TCF20: variants seen among roughly 807,000 people sequenced by gnomAD.
TCF20 encodes the protein transcription factor 20.
In TCF20, 3 loss-of-function variants were observed where a neutral mutation model predicts 148.6. That is an observed-to-expected ratio of 0.02 (90% CI 0.01 to 0.05). TCF20 has a LOEUF of 0.05. Among genes scored for constraint, TCF20 ranks in the 10% least tolerant of loss-of-function variants. The pLI, the probability that TCF20 is intolerant of heterozygous loss-of-function variation, is 1.00. For synonymous variants in TCF20, 1,049 were observed against 909.5 expected (o/e 1.15, Z -2.76); for missense variants, 2,350 against 2,429.3 (o/e 0.97, Z 0.69).
chr22:42,281,108 C>T (rs564642188), intron 1 of TCF20, among the ~76,000 whole-genome samples: 2 of 152,298 alleles, frequency 1.3e-5, no homozygotes, highest in Admixed American at 1.3e-4. Flanking sequence ...GCTCCTGAAC[C>T]CTTCACCCCT....
At chr22:42,256,846 A>C (rs570098625) in intron 1 of TCF20, among the ~76,000 whole-genome samples, 1 of 152,132 alleles carries the variant, frequency 6.6e-6, no homozygotes, top group African/African-American at 2.4e-5. Flanking sequence ...TGGAGTAACA[A>C]TTCTATTTTA....
intron 1 of TCF20, among the ~76,000 whole-genome samples, chr22:42,268,671 T>G (rs1037880470): frequency 2.0e-5 from 3 of 152,244 alleles, no homozygotes; most frequent in Admixed American, 6.5e-5. Flanking sequence ...TCACATGTTA[T>G]CCACACATTT....
chr22:42,188,157 G>A (rs1256389367), intron 2 of TCF20, among the ~76,000 whole-genome samples: 1 of 151,822 alleles, frequency 6.6e-6, no homozygotes, highest in Non-Finnish European at 1.5e-5. Flanking sequence ...AGCTGGGTGT[G>A]GTGGTGCATG....
intron 1 of TCF20, among the ~76,000 whole-genome samples, chr22:42,305,713 G>A (rs1174492761): frequency 6.6e-6 from 1 of 152,132 alleles, no homozygotes; most frequent in Non-Finnish European, 1.5e-5. Context: ...CCACACCCCT[G>A]GCCTGACAGT....
intron 2 of TCF20, among the ~76,000 whole-genome samples, chr22:42,192,931 G>A (rs1244966039): frequency 6.6e-6 from 1 of 152,186 alleles, no homozygotes; most frequent in African/African-American, 2.4e-5. Context: ...TCTGCCACCT[G>A]CACCAGCATG....
intron 2 of TCF20, among the ~76,000 whole-genome samples, chr22:42,193,782 T>C (rs1324747023): frequency 6.6e-6 from 1 of 152,170 alleles, no homozygotes; most frequent in African/African-American, 2.4e-5. Context: ...TACAGATGTC[T>C]GGATGAAGGA....
At chr22:42,191,104 C>T (rs1285446840) in intron 2 of TCF20, among the ~76,000 whole-genome samples, 1 of 152,108 alleles carries the variant, frequency 6.6e-6, no homozygotes, top group Non-Finnish European at 1.5e-5. Context: ...TCTATGTCCC[C>T]CTTCTGGAAA....
intron 1 of TCF20, among the ~76,000 whole-genome samples, chr22:42,295,933 G>GTACA (rs893648124): frequency 6.6e-6 from 1 of 152,128 alleles, no homozygotes; most frequent in African/African-American, 2.4e-5. Flanking sequence ...TTCCCACATG[G>GTACA]TACAGGCTGC....
chr22:42,204,546 G>A (rs961580123), intron 2 of TCF20, among the ~76,000 whole-genome samples: 2 of 151,666 alleles, frequency 1.3e-5, no homozygotes, highest in Non-Finnish European at 2.9e-5. Context: ...TATTGATTCA[G>A]AAATTTAAAG....
chr22:42,321,490 A>G (rs1927731711), intron 1 of TCF20, among the ~76,000 whole-genome samples: 1 of 149,504 alleles, frequency 6.7e-6, no homozygotes, highest in South Asian at 2.1e-4. Context: ...CCCATGGGGA[A>G]GCTTTCCAGG....
At chr22:42,255,277 GA>G (rs1411382341) in intron 1 of TCF20, among the ~76,000 whole-genome samples, 1 of 151,928 alleles carries the variant, frequency 6.6e-6, no homozygotes, top group African/African-American at 2.4e-5. Flanking sequence ...ACGAGGTCAG[GA>G]AATCGAGACC....
intron 5 of TCF20, among the ~76,000 whole-genome samples, chr22:42,167,084 C>A (rs930206599): frequency 6.6e-6 from 1 of 152,186 alleles, no homozygotes; most frequent in African/African-American, 2.4e-5. Flanking sequence ...CAATGTACTC[C>A]AAGTCCAAGA....
intron 1 of TCF20, among the ~76,000 whole-genome samples, chr22:42,224,777 A>G (rs989007570): frequency 2.0e-5 from 3 of 152,098 alleles, no homozygotes; most frequent in Non-Finnish European, 4.4e-5. Context: ...CTCTAGCACC[A>G]TAGAAAATTA....
At chr22:42,197,777 C>A (rs111864206) in intron 2 of TCF20, among the ~76,000 whole-genome samples, 13 of 152,062 alleles carry the variant, frequency 8.5e-5, no homozygotes, top group Non-Finnish European at 1.6e-4. Context: ...TCCAAATTAA[C>A]AATTAATGGA....
chr22:42,209,501 A>C lies in TCF20; in HGVS notation c.5655+150T>G, dbSNP rs368012253. On this transcript the variant is annotated intron_variant, in intron 2 of 5. Transcript: ENST00000677622. ...TTTTAGAAGTCTATACAAATCTTCC[A>C]AATTACCTATTTCATTTTCTGTCCA... is the stretch of plus-strand genomic sequence containing the variant. The C allele has an allele frequency of 7.6e-6, 7 of 920,886 alleles. No individual in the cohort carries two copies. The African/African-American group carries it at 1.2e-4, about 15-fold the overall frequency. The allele number at this position is 920,886 out of a possible 1,614,324, so 57.0% of individuals were successfully genotyped here. A position where few individuals can be genotyped will look rare whatever the true frequency, so the allele number is the denominator to read the frequency against.
rs1169084962 is a variant in TCF20 at position 42,213,517 on chromosome 22, G to T, written c.1789C>A (p.Pro597Thr). Residue 597 changes from proline to threonine, a missense_variant, in exon 2 of 6, where the codon CCA becomes ACA. Physicochemically the swap from Pro to Thr is conservative, Grantham distance 38. Transcript: ENST00000677622. ...CCAACAGTCTTCTCATTAACCTTTG[G>T]GTTCCCGTCGGATGACAATGGCATG... is the stretch of plus-strand genomic sequence containing the variant. ...KDMPLSSDGNPKVNEKTVGVI... is the reference protein window; with the variant it reads ...KDMPLSSDGNTKVNEKTVGVI... 1.2e-6 allele frequency: 2 copies of T among 1,614,156 alleles called. No individual in the cohort carries two copies. Among genetic ancestry groups the T allele is most frequent in the South Asian group, 1.1e-5 (1 of 91,076 alleles).
intron 1 of TCF20, among the ~76,000 whole-genome samples, chr22:42,322,970 G>A (rs192793102): frequency 1.3e-5 from 2 of 151,154 alleles, no homozygotes; most frequent in Admixed American, 6.6e-5. Context: ...GCAATGGTGC[G>A]ATCTCAGCTC....
intron 3 of TCF20, among the ~76,000 whole-genome samples, chr22:42,175,451 CT>C (rs1304311011): frequency 7.2e-5 from 11 of 152,130 alleles, no homozygotes; most frequent in African/African-American, 2.4e-4. Flanking sequence ...AGCGATTCCC[CT>C]ACCTCAGCCT....
chr22:42,261,373 A>T (rs1926019389), intron 1 of TCF20, among the ~76,000 whole-genome samples: 1 of 152,198 alleles, frequency 6.6e-6, no homozygotes, highest in Non-Finnish European at 1.5e-5. Flanking sequence ...CACAGGGCAG[A>T]TGTATGTTCA....
Sources: gnomAD v4.1 joint callset for allele counts (sites outside exome capture counted in the v4.1 genomes callset) on GRCh38, gnomAD v4.1.1 for gene constraint, MANE v1.5 for transcripts, NCBI Gene and HGNC (gene_info 2026-07-23, HGNC 2026-07-21) for gene names.